Variants in LARGE1 observed in about 807,000 individuals in gnomAD.
LARGE1 encodes the protein xylosyl- and glucuronyltransferase LARGE1.
In LARGE1, 43 loss-of-function variants were observed where a neutral mutation model predicts 87.6. The observed-to-expected ratio is 0.49, with a 90% confidence interval of 0.38 to 0.63. LARGE1 has a LOEUF of 0.63. LARGE1 is among the 30% of genes least tolerant of loss of function. The pLI is 0.00. For synonymous variants in LARGE1, 434 were observed against 394.6 expected (o/e 1.10, Z -1.18); for missense variants, 802 against 1,000.2 (o/e 0.80, Z 2.67).
chr22:33,403,337 T>G (rs750927415), intron 7 of LARGE1, among the ~76,000 whole-genome samples: 1 of 152,196 alleles, frequency 6.6e-6, no homozygotes, highest in Admixed American at 6.5e-5. Flanking sequence ...AGAGTCCTAG[T>G]GCAGAAGAGG....
chr22:33,770,612 G>C (rs1912933739), intron 1 of LARGE1, among the ~76,000 whole-genome samples: 1 of 152,068 alleles, frequency 6.6e-6, no homozygotes, highest in Non-Finnish European at 1.5e-5. Flanking sequence ...TTGAGCAAAG[G>C]GTTTGAGGCT....
the LARGE1 span, among the ~76,000 whole-genome samples, chr22:33,152,231 T>C: frequency 6.6e-6 from 1 of 152,230 alleles, no homozygotes; most frequent in Admixed American, 6.5e-5. Flanking sequence ...ACCAGCCCAC[T>C]ATTGTCTACA....
chr22:33,157,561 G>A (rs1921910291), downstream of LARGE1, among the ~76,000 whole-genome samples: 1 of 151,992 alleles, frequency 6.6e-6, no homozygotes, highest in Admixed American at 6.6e-5. Context: ...GAGAACCACT[G>A]CTCATTGTCT....
chr22:33,237,691 A>G (rs1294166592), intron 11 of LARGE1, among the ~76,000 whole-genome samples: 1 of 152,254 alleles, frequency 6.6e-6, no homozygotes, highest in Non-Finnish European at 1.5e-5. Flanking sequence ...TATCCATGCT[A>G]GCAGGGGAAG....
intron 1 of LARGE1, among the ~76,000 whole-genome samples, chr22:33,835,180 T>C (rs998310056): frequency 6.6e-6 from 1 of 152,248 alleles, no homozygotes; most frequent in African/African-American, 2.4e-5. Context: ...TATTATTACA[T>C]GTTCATAAGG....
chr22:33,424,050 ACAT>A (rs2066787582), intron 7 of LARGE1, among the ~76,000 whole-genome samples: 1 of 152,202 alleles, frequency 6.6e-6, no homozygotes, highest in Non-Finnish European at 1.5e-5. Context: ...CAGTAAAAGT[ACAT>A]CATCAGAGGC....
At chr22:33,251,985 A>G (rs1458692486) in intron 11 of LARGE1, among the ~76,000 whole-genome samples, 2 of 152,210 alleles carry the variant, frequency 1.3e-5, no homozygotes, top group African/African-American at 4.8e-5. Context: ...GTCTAAATGC[A>G]TCCCAGTGTT....
intron 1 of LARGE1, among the ~76,000 whole-genome samples, chr22:33,795,536 T>C (rs907328643): frequency 2.6e-5 from 4 of 152,182 alleles, no homozygotes; most frequent in Admixed American, 2.0e-4. Flanking sequence ...CTATAAATCA[T>C]GCTGCTATAA....
intron 2 of LARGE1, among the ~76,000 whole-genome samples, chr22:33,699,099 G>A (rs2082334906): frequency 6.6e-6 from 1 of 152,216 alleles, no homozygotes; most frequent in East Asian, 1.9e-4. Context: ...AATATGAACT[G>A]AGACTGGTTA....
At chr22:33,852,163 A>G (rs991172659) in intron 1 of LARGE1, among the ~76,000 whole-genome samples, 1 of 152,168 alleles carries the variant, frequency 6.6e-6, no homozygotes, top group Non-Finnish European at 1.5e-5. Context: ...ACAAGTCACA[A>G]TACCTGTTTG....
intron 9 of LARGE1, among the ~76,000 whole-genome samples, chr22:33,339,231 T>C (rs2146594511): frequency 6.6e-6 from 1 of 151,190 alleles, no homozygotes; most frequent in East Asian, 1.9e-4. Context: ...AAGAAGATGC[T>C]TGTGCTGGAG....
chr22:33,158,038 A>G (rs1027484053), downstream of LARGE1, among the ~76,000 whole-genome samples: 1 of 152,142 alleles, frequency 6.6e-6, no homozygotes, highest in African/African-American at 2.4e-5. Flanking sequence ...ACTTTAAAAT[A>G]TAATTATTGA....
intron 12 of LARGE1, among the ~76,000 whole-genome samples, chr22:33,303,308 G>C (rs759685605): frequency 2.6e-5 from 4 of 152,206 alleles, no homozygotes; most frequent in Non-Finnish European, 5.9e-5. Flanking sequence ...TCTGCAGCCA[G>C]ACTGGCTGTT....
rs536811961 is a variant in LARGE1, at chr22:33,777,375, C to T, written c.-82-15817G>A. Among the ~76,000 whole-genome samples, 24 of 152,222 alleles carry T rather than the reference C, an allele frequency of 1.6e-4. No homozygotes were observed. The South Asian group carries it at 3.3e-3, about 21-fold the overall frequency. On this transcript the variant is annotated intron_variant, in intron 1 of 14. Transcript: ENST00000397394. The stretch of plus-strand genomic sequence containing the variant: ...ATCAATGGCCAGGCGTCGTGGCTCA[C>T]ATCTGTAATCCCAGCACTTCGGGAG...
intron 6 of LARGE1, among the ~76,000 whole-genome samples, chr22:33,557,401 A>G (rs1386062531): frequency 6.6e-6 from 1 of 152,108 alleles, no homozygotes; most frequent in African/African-American, 2.4e-5. Flanking sequence ...TGGTTAAGAG[A>G]GGCAGAGAAA....
intron 1 of LARGE1, among the ~76,000 whole-genome samples, chr22:33,810,010 C>T (rs1174599669): frequency 6.6e-6 from 1 of 152,148 alleles, no homozygotes; most frequent in Non-Finnish European, 1.5e-5. Context: ...GCGGGTGTTG[C>T]TACCACCCAG....
intron 6 of LARGE1, among the ~76,000 whole-genome samples, chr22:33,517,427 G>A (rs1018850538): frequency 2.0e-5 from 3 of 152,134 alleles, no homozygotes; most frequent in South Asian, 2.1e-4. Flanking sequence ...AGACAGTCTC[G>A]CTCTGTTGCC....
At chr22:33,494,328 G>A (rs769949773) in intron 6 of LARGE1, among the ~76,000 whole-genome samples, 17 of 152,212 alleles carry the variant, frequency 1.1e-4, no homozygotes, top group Non-Finnish European at 2.2e-4. Flanking sequence ...CTGTTGTGAA[G>A]ATTAACTGAG....
intron 9 of LARGE1, among the ~76,000 whole-genome samples, chr22:33,341,095 C>T (rs757332981): frequency 2.6e-5 from 4 of 152,032 alleles, no homozygotes; most frequent in Admixed American, 6.5e-5. Context: ...GCCTAATCGC[C>T]AAGGTGATGA....
Sources: allele counts gnomAD v4.1 joint callset (sites outside exome capture counted in the v4.1 genomes callset), GRCh38; gene constraint gnomAD v4.1.1; transcripts MANE v1.5; gene names NCBI Gene and HGNC (gene_info 2026-07-23, HGNC 2026-07-21).